The following GRM7 variants were observed in gnomAD, a reference collection of about 807,000 sequenced individuals.
GRM7 encodes the protein metabotropic glutamate receptor 7.
GRM7 carries 35 observed loss-of-function variants against 84.5 expected under a neutral mutation model. The ratio of observed to expected loss-of-function variants is 0.41; its 90% CI spans 0.32 to 0.55. The LOEUF (loss-of-function observed/expected upper bound fraction) is 0.55. Among genes scored for constraint, GRM7 ranks in the 20% least tolerant of loss-of-function variants. GRM7 has a pLI of 0.19. For synonymous variants in GRM7, 487 were observed against 455.1 expected (o/e 1.07, Z -0.89); for missense variants, 1,003 against 1,194.6 (o/e 0.84, Z 2.36).
intron 1 of GRM7, among the ~76,000 whole-genome samples, chr3:7,007,904 G>T (rs530582616): frequency 6.6e-6 from 1 of 152,240 alleles, no homozygotes; most frequent in African/African-American, 2.4e-5. Context: ...TGACACCAGG[G>T]ACATTTGGTT....
intron 8 of GRM7, among the ~76,000 whole-genome samples, chr3:7,601,850 T>C (rs1453019605): frequency 1.3e-5 from 2 of 152,032 alleles, no homozygotes; most frequent in Non-Finnish European, 2.9e-5. Context: ...TTGAGACGAA[T>C]TGGAAGAAGT....
intron 1 of GRM7, among the ~76,000 whole-genome samples, chr3:7,111,708 A>G (rs1262514707): frequency 1.3e-5 from 2 of 152,126 alleles, no homozygotes; most frequent in Admixed American, 6.6e-5. Context: ...ATTTTTAACT[A>G]TTAATTGAAT....
intron 1 of GRM7, among the ~76,000 whole-genome samples, chr3:7,013,627 T>G (rs1256990974): frequency 6.6e-6 from 1 of 152,146 alleles, no homozygotes; most frequent in Non-Finnish European, 1.5e-5. Context: ...TGAATTAAGA[T>G]CCAAATAAAC....
At chr3:7,652,335 G>C (rs546074969) in intron 8 of GRM7, among the ~76,000 whole-genome samples, 1 of 152,334 alleles carries the variant, frequency 6.6e-6, no homozygotes, top group South Asian at 2.1e-4. Flanking sequence ...GGTTAGGGGA[G>C]AAGGGATAGG....
At chr3:7,660,746 C>T (rs1339846491) in intron 8 of GRM7, among the ~76,000 whole-genome samples, 1 of 152,028 alleles carries the variant, frequency 6.6e-6, no homozygotes, top group Non-Finnish European at 1.5e-5. Context: ...TATTATAAGG[C>T]TCTAGAAATC....
At chr3:7,252,989 C>T (rs1698059163) in intron 2 of GRM7, among the ~76,000 whole-genome samples, 1 of 126,246 alleles carries the variant, frequency 7.9e-6, no homozygotes, top group Non-Finnish European at 1.6e-5. Context: ...TGCCTCTGGC[C>T]AATACCAATT....
chr3:7,473,464 A>C lies in GRM7; in HGVS notation c.1515+11742A>C, dbSNP rs186761609. On this transcript the variant is annotated intron_variant, in intron 7 of 9. Transcript: ENST00000357716. ...GCACTCCAACCTACGCAACAGAGCAAGACTCTGTCTCTTAAAAACGAGAGG... is the reference window on the plus strand; with the variant it reads ...GCACTCCAACCTACGCAACAGAGCACGACTCTGTCTCTTAAAAACGAGAGG... Among the ~76,000 whole-genome samples the C allele has an allele frequency of 2.0e-5, 3 of 148,140 alleles. No homozygotes were observed. In the Admixed American group the frequency reaches 2.1e-4, roughly 10 times the overall value.
chr3:7,125,855 C>T (rs1693381400), intron 1 of GRM7, among the ~76,000 whole-genome samples: 1 of 152,128 alleles, frequency 6.6e-6, no homozygotes, highest in Non-Finnish European at 1.5e-5. Context: ...CTTCTCAGGG[C>T]AGTGAACCAG....
At chr3:6,866,457 G>A (rs1694941799) in intron 1 of GRM7, among the ~76,000 whole-genome samples, 1 of 151,938 alleles carries the variant, frequency 6.6e-6, no homozygotes, top group Non-Finnish European at 1.5e-5. Context: ...CACTTTTGGT[G>A]AGTTTGTGGG....
At chr3:7,353,245 C>T (rs917542757) in intron 4 of GRM7, among the ~76,000 whole-genome samples, 3 of 151,880 alleles carry the variant, frequency 2.0e-5, no homozygotes, top group Non-Finnish European at 2.9e-5. Flanking sequence ...ATACTATACT[C>T]GAATAGAACT....
intron 2 of GRM7, among the ~76,000 whole-genome samples, chr3:7,254,250 T>A (rs551236414): frequency 6.6e-6 from 1 of 152,290 alleles, no homozygotes; most frequent in East Asian, 1.9e-4. Flanking sequence ...CTTGAAAGTA[T>A]GAATATTTTT....
rs534877064 is a variant in GRM7, at chr3:6,863,240, C to T, written c.519+1333C>T. Among the ~76,000 whole-genome samples, 18 of 152,142 alleles carry T rather than the reference C, an allele frequency of 1.2e-4. No homozygotes were observed. The East Asian group carries it at 3.5e-3, about 30-fold the overall frequency. On this transcript the variant is annotated intron_variant, in intron 1 of 9. Coordinates refer to ENST00000357716, the MANE Select transcript of GRM7 (RefSeq NM_000844.4). This position sits in a 1 kb window ranked among gnomAD's most constrained non-coding sequence, Gnocchi z 4.8. ...GTATTAAAATGACCCTTTTCCAGTG[C>T]ATAGCGGCTCTCTCCCTGGCTGGTG...
intron 8 of GRM7, 49 bp downstream of exon 8, chr3:7,579,406 T>A (rs1485173): frequency 0.26 from 294,225 of 1,122,836 alleles, 41,485 homozygotes; most frequent in Non-Finnish European, 0.28. Context: ...TGTGTTCATT[T>A]TTGTAAGTAC....
chr3:7,464,719 T>G (rs954505043), intron 7 of GRM7, among the ~76,000 whole-genome samples: 7 of 151,408 alleles, frequency 4.6e-5, no homozygotes, highest in African/African-American at 1.7e-4. Context: ...TCCCAGCTAC[T>G]CGGGAGGCTG....
At chr3:7,710,212 T>C (rs756691371) in intron 9 of GRM7, among the ~76,000 whole-genome samples, 2 of 152,074 alleles carry the variant, frequency 1.3e-5, no homozygotes, top group Non-Finnish European at 2.9e-5. Context: ...ACATATCTCT[T>C]CAAAAAGTAC....
At chr3:7,192,789 T>G (rs554689539) in intron 2 of GRM7, among the ~76,000 whole-genome samples, 1 of 152,238 alleles carries the variant, frequency 6.6e-6, no homozygotes, top group South Asian at 2.1e-4. Flanking sequence ...CAGGTAATCT[T>G]TGATGACATT....
chr3:6,997,657 AACCAT>A (rs954891340), intron 1 of GRM7, among the ~76,000 whole-genome samples: 12 of 152,156 alleles, frequency 7.9e-5, no homozygotes, highest in African/African-American at 2.7e-4. Context: ...GACACCACCA[AACCAT>A]ATAATTCTGC....
intron 1 of GRM7, among the ~76,000 whole-genome samples, chr3:7,039,819 T>C (rs2124939383): frequency 6.6e-6 from 1 of 152,316 alleles, no homozygotes; most frequent in South Asian, 2.1e-4. Context: ...TATGTGGCTC[T>C]TGTGAATGGG....
chr3:7,499,010 G>A (rs1204071159), intron 7 of GRM7, among the ~76,000 whole-genome samples: 2 of 152,118 alleles, frequency 1.3e-5, no homozygotes, highest in Non-Finnish European at 2.9e-5. Flanking sequence ...CCCTAAATTT[G>A]GGAGTTGACT....
Sources: allele counts gnomAD v4.1 joint callset (sites outside exome capture counted in the v4.1 genomes callset), GRCh38; gene constraint gnomAD v4.1.1; non-coding constraint Gnocchi (gnomAD v3.1); transcripts MANE v1.5; gene names NCBI Gene and HGNC (gene_info 2026-07-23, HGNC 2026-07-21).